Variants in UNC5D observed in about 807,000 individuals in gnomAD.
UNC5D encodes unc-5 netrin receptor D, also known as netrin receptor UNC5D.
A neutral mutation model predicts 105.4 loss-of-function variants in UNC5D; 39 were observed. That is an observed-to-expected ratio of 0.37 (90% CI 0.29 to 0.48). The LOEUF (loss-of-function observed/expected upper bound fraction) is 0.48, where lower values mean the gene tolerates loss of function less well. UNC5D is among the 20% of genes least tolerant of loss of function. The pLI, the probability that UNC5D is intolerant of heterozygous loss-of-function variation, is 0.98. For missense variants in UNC5D, 991 were observed against 1,202.4 expected, an observed-to-expected ratio of 0.82 and a Z score of 2.60; for synonymous variants, 452 against 450.4, an observed-to-expected ratio of 1.00 and a Z score of -0.04.
chr8:35,584,534 C>G (rs1304902252), intron 3 of UNC5D, among the ~76,000 whole-genome samples: 1 of 152,084 alleles, frequency 6.6e-6, no homozygotes, highest in Admixed American at 6.6e-5. Flanking sequence ...CCTGTCTCAG[C>G]CTCCCAAGTA....
intron 1 of UNC5D, among the ~76,000 whole-genome samples, chr8:35,490,519 A>G (rs1811142045): frequency 6.6e-6 from 1 of 151,980 alleles, no homozygotes; most frequent in Non-Finnish European, 1.5e-5. Flanking sequence ...GCAAGACCCT[A>G]TCTCTTATAA....
At chr8:35,707,733 C>T (rs745682432) in intron 8 of UNC5D, among the ~76,000 whole-genome samples, 6 of 152,122 alleles carry the variant, frequency 3.9e-5, no homozygotes, top group Non-Finnish European at 7.3e-5. Flanking sequence ...GTTTGTGAGT[C>T]CTGTGCCATT....
At chr8:35,287,727 A>G (rs1806712171) in intron 1 of UNC5D, among the ~76,000 whole-genome samples, 1 of 152,090 alleles carries the variant, frequency 6.6e-6, no homozygotes, top group Non-Finnish European at 1.5e-5. Context: ...GGATTGCTTG[A>G]GCCCTGGAGG....
At chr8:35,330,260 G>A (rs1462220555) in intron 1 of UNC5D, among the ~76,000 whole-genome samples, 1 of 152,068 alleles carries the variant, frequency 6.6e-6, no homozygotes, top group Non-Finnish European at 1.5e-5. Flanking sequence ...CCTCTTAGGT[G>A]GAAAAAAGAC....
intron 1 of UNC5D, among the ~76,000 whole-genome samples, chr8:35,481,650 G>C (rs986576378): frequency 6.6e-6 from 1 of 152,138 alleles, no homozygotes; most frequent in Admixed American, 6.5e-5. Flanking sequence ...CTTAAAAGGT[G>C]TAAAATTGAA....
At chr8:35,721,549 T>A in intron 8 of UNC5D, 1 of 702,438 alleles carries the variant, frequency 1.4e-6, no homozygotes, top group Non-Finnish European at 2.6e-6. Context: ...ATTTAATTGG[T>A]GTCAGAAAAC....
At chr8:35,465,452 G>A (rs939680180) in intron 1 of UNC5D, among the ~76,000 whole-genome samples, 1 of 150,690 alleles carries the variant, frequency 6.6e-6, no homozygotes, top group Non-Finnish European at 1.5e-5. Context: ...AAGGCACAGT[G>A]AGCCCAGATT....
intron 14 of UNC5D, among the ~76,000 whole-genome samples, chr8:35,761,816 G>GTGTT (rs1801546854): frequency 6.6e-6 from 1 of 152,066 alleles, no homozygotes; most frequent in African/African-American, 2.4e-5. Context: ...TGACCATGCT[G>GTGTT]TGTTTGCTCT....
chr8:35,418,614 C>T (rs1444461652), intron 1 of UNC5D, among the ~76,000 whole-genome samples: 1 of 152,120 alleles, frequency 6.6e-6, no homozygotes, highest in Admixed American at 6.5e-5. Context: ...GGTCTCAGTT[C>T]CTGATTGTTA....
chr8:35,402,345 G>A (rs1026342000), intron 1 of UNC5D, among the ~76,000 whole-genome samples: 1 of 152,038 alleles, frequency 6.6e-6, no homozygotes, highest in Admixed American at 6.6e-5. Context: ...ATTGGCAGCA[G>A]GCAAGAGAGA....
chr8:35,350,054 T>A (rs544369915), intron 1 of UNC5D, among the ~76,000 whole-genome samples: 1 of 151,910 alleles, frequency 6.6e-6, no homozygotes, highest in Admixed American at 6.6e-5. Flanking sequence ...ATAATTTAAT[T>A]TAATAAATTA....
chr8:35,653,864 A>G (rs137932947), intron 4 of UNC5D, among the ~76,000 whole-genome samples: 8 of 152,284 alleles, frequency 5.3e-5, no homozygotes, highest in African/African-American at 1.7e-4. Context: ...ACTTGTTATA[A>G]TATCATCAGT....
intron 1 of UNC5D, among the ~76,000 whole-genome samples, chr8:35,473,814 T>C (rs932260794): frequency 5.3e-5 from 8 of 152,212 alleles, no homozygotes; most frequent in African/African-American, 1.9e-4. Flanking sequence ...TAACAGAATA[T>C]GTGAGCCTGG....
intron 1 of UNC5D, among the ~76,000 whole-genome samples, chr8:35,328,884 C>T (rs1039717160): frequency 6.6e-6 from 1 of 152,136 alleles, no homozygotes; most frequent in Non-Finnish European, 1.5e-5. Context: ...TCCCCAGTCA[C>T]ACACATATAT....
At chr8:35,665,910 T>C (rs1477483618) in intron 4 of UNC5D, among the ~76,000 whole-genome samples, 2 of 152,142 alleles carry the variant, frequency 1.3e-5, no homozygotes, top group Non-Finnish European at 2.9e-5. Flanking sequence ...TATACATTTA[T>C]TTTTCACAAA....
At chr8:35,772,658 T>C (rs979781789) in intron 15 of UNC5D, among the ~76,000 whole-genome samples, 3 of 152,194 alleles carry the variant, frequency 2.0e-5, no homozygotes, top group Non-Finnish European at 2.9e-5. Context: ...ATCTGATGCT[T>C]TACTTACCCC....
rs951442663 is a variant in UNC5D, at chr8:35,778,488, A to G, written c.2657+4011A>G. On this transcript the variant is annotated intron_variant, in intron 16 of 16. Coordinates refer to ENST00000404895, the MANE Select transcript of UNC5D (RefSeq NM_080872.4). ...ACTAATAGTAAATGTTTTAATACAC[A>G]GAAATCTAAAATTGTCTCTATGCCA... Among the ~76,000 whole-genome samples the G allele has an allele frequency of 2.4e-4, 37 of 152,340 alleles. 1 individual carries two copies. The highest frequency in any genetic ancestry group is 8.7e-4 in the African/African-American group (36 of 41,576).
intron 1 of UNC5D, among the ~76,000 whole-genome samples, chr8:35,300,154 G>A (rs1056337521): frequency 6.6e-6 from 1 of 151,868 alleles, no homozygotes; most frequent in Non-Finnish European, 1.5e-5. Context: ...TTGGCCTTTA[G>A]GAAGTAGAGT....
intron 1 of UNC5D, among the ~76,000 whole-genome samples, chr8:35,280,507 T>A (rs1301737316): frequency 6.6e-6 from 1 of 152,206 alleles, no homozygotes; most frequent in Non-Finnish European, 1.5e-5. Context: ...GTGGGTATTG[T>A]TGTGCTTGTG....
Sources: gnomAD v4.1 joint callset for allele counts (sites outside exome capture counted in the v4.1 genomes callset) on GRCh38, gnomAD v4.1.1 for gene constraint, MANE v1.5 for transcripts, NCBI Gene and HGNC (gene_info 2026-07-23, HGNC 2026-07-21) for gene names.